The following KCNMB2 variants were observed in gnomAD, a reference collection of about 807,000 sequenced individuals.
KCNMB2 encodes the protein calcium-activated potassium channel subunit beta-2.
Under a neutral mutation model 24.5 loss-of-function variants are expected in KCNMB2, and 9 were observed. The observed-to-expected ratio is 0.37, with a 90% CI of 0.22 to 0.64. The LOEUF (loss-of-function observed/expected upper bound fraction) is 0.64. Among genes scored for constraint, KCNMB2 ranks in the 30% least tolerant of loss-of-function variants. KCNMB2 has a pLI of 0.63. For synonymous variants in KCNMB2, 109 were observed against 104.4 expected (o/e 1.04, Z -0.27); for missense variants, 226 against 284.3 (o/e 0.79, Z 1.47).
At chr3:178,834,645 A>T (rs1715158930) in intron 4 of KCNMB2, among the ~76,000 whole-genome samples, 1 of 150,784 alleles carries the variant, frequency 6.6e-6, no homozygotes, top group African/African-American at 2.4e-5. Context: ...GAAAGGGGCT[A>T]AAAAAAAAGT....
intron 1 of KCNMB2, among the ~76,000 whole-genome samples, chr3:178,746,440 A>ACTTTTGT (rs1723670779): frequency 6.6e-6 from 1 of 152,130 alleles, no homozygotes. Context: ...TGTGCCTGTG[A>ACTTTTGT]CAAAAGGGGC....
intron 1 of KCNMB2, among the ~76,000 whole-genome samples, chr3:178,563,843 T>C (rs1384236271): frequency 2.6e-5 from 4 of 152,200 alleles, no homozygotes; most frequent in Admixed American, 1.3e-4. Context: ...GCCACCTTTA[T>C]GACGTTTTGT....
intron 1 of KCNMB2, among the ~76,000 whole-genome samples, chr3:178,743,084 TTAAGA>T (rs1723547970): frequency 6.6e-6 from 1 of 152,148 alleles, no homozygotes; most frequent in African/African-American, 2.4e-5. Context: ...AAGAAAAGTC[TTAAGA>T]TAAGACAGTG....
At chr3:178,733,207 T>C (rs1015694910) in intron 1 of KCNMB2, among the ~76,000 whole-genome samples, 1 of 152,080 alleles carries the variant, frequency 6.6e-6, no homozygotes, top group Non-Finnish European at 1.5e-5. Context: ...ATACAGATAG[T>C]TGGAACAAGA....
intron 1 of KCNMB2, among the ~76,000 whole-genome samples, chr3:178,592,570 C>T (rs528271627): frequency 1.2e-4 from 18 of 152,144 alleles, no homozygotes; most frequent in African/African-American, 4.3e-4. Context: ...CTATGACAGC[C>T]TATGTGTGCT....
chr3:178,792,501 G>A (rs1713360505), intron 1 of KCNMB2, among the ~76,000 whole-genome samples: 1 of 152,006 alleles, frequency 6.6e-6, no homozygotes, highest in Non-Finnish European at 1.5e-5. Context: ...AGAAAAGAAG[G>A]AAGAAAGAGA....
intron 1 of KCNMB2, among the ~76,000 whole-genome samples, chr3:178,779,910 A>G (rs1221100206): frequency 6.6e-6 from 1 of 152,144 alleles, no homozygotes. Flanking sequence ...ACTTTAATTC[A>G]CCTACTATTT....
chr3:178,701,643 T>A (rs1321748063), intron 1 of KCNMB2, among the ~76,000 whole-genome samples: 2 of 151,936 alleles, frequency 1.3e-5, no homozygotes, highest in Non-Finnish European at 2.9e-5. Flanking sequence ...AAGACATTTA[T>A]GCAGCCAACA....
chr3:178,610,105 T>C (rs1443448812), intron 1 of KCNMB2, among the ~76,000 whole-genome samples: 2 of 152,248 alleles, frequency 1.3e-5, no homozygotes, highest in Non-Finnish European at 2.9e-5. Flanking sequence ...GATTTGTTTC[T>C]GGGTTCTCTA....
At chr3:178,807,013 G>T (rs1246045134) in intron 1 of KCNMB2, among the ~76,000 whole-genome samples, 2 of 152,202 alleles carry the variant, frequency 1.3e-5, no homozygotes, top group Non-Finnish European at 2.9e-5. Flanking sequence ...ATAGTACAGA[G>T]TATGAAACCA....
intron 1 of KCNMB2, among the ~76,000 whole-genome samples, chr3:178,658,379 T>C (rs1720413913): frequency 6.6e-6 from 1 of 152,228 alleles, no homozygotes; most frequent in South Asian, 2.1e-4. Flanking sequence ...CATCTGTTCA[T>C]GAAAGTTAAA....
rs1713979630 is a variant in KCNMB2, at chr3:178,806,633, T to C, written c.-67-710T>C. 1.3e-5 allele frequency among the ~76,000 whole-genome samples: 2 copies of C among 151,768 alleles called. 1 individual carries two copies. The highest frequency in any genetic ancestry group is 4.8e-5 in the African/African-American group (2 of 41,364). ...TATGTGGAAAACAATAATAGCTAAC[T>C]ACTTTTAGTGCTGTGCTTAGAGAGG... is the stretch of plus-strand genomic sequence containing the variant. On this transcript the variant is annotated intron_variant, in intron 1 of 4. Transcript: ENST00000452583.
intron 1 of KCNMB2, among the ~76,000 whole-genome samples, chr3:178,770,809 T>C (rs1712319979): frequency 6.6e-6 from 1 of 152,206 alleles, no homozygotes; most frequent in South Asian, 2.1e-4. Flanking sequence ...GCTATTGTAT[T>C]AGCTTCACCT....
chr3:178,828,280 G>A lies in KCNMB2; in HGVS notation c.330G>A (p.Gln110=). 6.2e-7 allele frequency: 1 copy of A among 1,613,948 alleles called. No individual in the cohort carries two copies. Among genetic ancestry groups the A allele is most frequent in the South Asian group, 1.1e-5 (1 of 91,076 alleles). Residue 110 remains glutamine (Q), a synonymous_variant, in exon 4 of 5, where the codon CAG becomes CAA. Coordinates refer to ENST00000452583, the MANE Select transcript of KCNMB2 (RefSeq NM_181361.3). ...GTCCAGACTGCTGGAAACTTTCTCA[G>A]TACCCCTGCCTCCAGGTGTACGTTA... is the stretch of plus-strand genomic sequence containing the variant. The part of the protein sequence containing the change: ...SCGPDCWKLS[Q]YPCLQVYVNL...
In KCNMB2 at chr3:178,843,072, T is replaced by C. The variant is rs557917392; in HGVS notation, c.*135T>C. The C allele has an allele frequency of 1.4e-6, 1 of 716,840 alleles. No homozygotes were observed. The highest frequency in any genetic ancestry group is 1.8e-5 in the African/African-American group (1 of 56,500). 44.4% of individuals were successfully genotyped at this position (716,840 alleles called of 1,614,324 possible). ...TATATTCTTATATGTAGAGCAATAA[T>C]GCAAAAGCTGTTCTATATGCAAACA... is the stretch of plus-strand genomic sequence containing the variant. On this transcript the variant is annotated 3_prime_UTR_variant, in exon 5 of 5. Coordinates refer to ENST00000452583, the MANE Select transcript of KCNMB2 (RefSeq NM_181361.3).
At chr3:178,815,644 A>C (rs1047445477) in intron 2 of KCNMB2, among the ~76,000 whole-genome samples, 3 of 152,142 alleles carry the variant, frequency 2.0e-5, no homozygotes, top group African/African-American at 7.2e-5. Context: ...TTTCACCATT[A>C]AGTATCAAGT....
intron 1 of KCNMB2, among the ~76,000 whole-genome samples, chr3:178,667,235 G>T (rs774613184): frequency 2.0e-5 from 3 of 152,018 alleles, no homozygotes; most frequent in East Asian, 3.9e-4. Context: ...TTAAGACACA[G>T]ACACACAGAG....
At chr3:178,734,139 AG>A (rs1294643866) in intron 1 of KCNMB2, among the ~76,000 whole-genome samples, 16 of 152,166 alleles carry the variant, frequency 1.1e-4, no homozygotes, top group Non-Finnish European at 7.4e-5. Flanking sequence ...ATAACTTGGG[AG>A]GGTGCCCAAG....
chr3:178,805,065 T>C (rs1352282655), intron 1 of KCNMB2, among the ~76,000 whole-genome samples: 2 of 152,272 alleles, frequency 1.3e-5, no homozygotes, highest in African/African-American at 4.8e-5. Flanking sequence ...ATTTAATTTC[T>C]ACGTCTTTCT....
Sources: allele counts gnomAD v4.1 joint callset (sites outside exome capture counted in the v4.1 genomes callset), GRCh38; gene constraint gnomAD v4.1.1; transcripts MANE v1.5; gene names NCBI Gene and HGNC (gene_info 2026-07-23, HGNC 2026-07-21).